Variants in TBATA observed in about 807,000 individuals in gnomAD.
TBATA encodes the protein thymus, brain and testes associated.
TBATA carries 47 observed loss-of-function variants against 38.7 expected under a neutral mutation model. The observed-to-expected ratio is 1.21, with a 90% CI of 0.96 to 1.55. TBATA has a LOEUF of 1.55. Among genes scored for constraint, TBATA ranks in the 40% most tolerant of loss-of-function variants. The pLI, the probability that TBATA is intolerant of heterozygous loss-of-function variation, is 0.00. For synonymous variants in TBATA, 183 were observed against 170.5 expected (o/e 1.07, Z -0.57); for missense variants, 436 against 435.6 (o/e 1.00, Z -0.01).
chr10:70,778,950 G>T (rs141818431), intron 5 of TBATA, among the ~76,000 whole-genome samples: 407 of 152,318 alleles, frequency 2.7e-3, no homozygotes, highest in African/African-American at 9.3e-3. Flanking sequence ...GATGCACATG[G>T]TTTAATCTAG....
At chr10:70,772,595 G>A in intron 9 of TBATA, 29 bp from the exon 10 acceptor site, 1 of 1,613,914 alleles carries the variant, frequency 6.2e-7, no homozygotes, top group East Asian at 2.2e-5. Context: ...AAGGGGCTGG[G>A]AAGGTCATGC....
Position 70,781,945 on chromosome 10 carries a change from CT to C in TBATA, c.132del (p.Ile46LeufsTer11), listed in dbSNP as rs1278279640. 2 of 1,614,246 alleles carry C rather than the reference CT, an allele frequency of 1.2e-6. No individual in the cohort carries two copies. The highest frequency in any genetic ancestry group is 1.7e-6 in the Non-Finnish European group (2 of 1,180,044). On this transcript the variant is annotated frameshift_variant, in exon 4 of 11. Coordinates refer to ENST00000456372, the MANE Select transcript of TBATA (RefSeq NM_001318241.2). LOFTEE classifies it high-confidence loss of function. ...CGGATCCGCTCGAAATCCACAATCC[CT>C]GGGATCACCAGTTCTTTCTGTGGCC... ...DSGPQKELVIPGIVDFERIRR... is the reference protein window; with the variant it reads ...DSGPQKELVIXGIVDFERIRR...
In TBATA at chr10:70,776,264, G is replaced by A. The variant is rs549060158; in HGVS notation, c.693+889C>T. On this transcript the variant is annotated intron_variant, in intron 7 of 10. Coordinates refer to ENST00000456372, the MANE Select transcript of TBATA (RefSeq NM_001318241.2). ...CACCCTCGTCCCCAGATGCCCACCC[G>A]CTGTGCTGACCCACCCTGACCTGCC... The A allele has an allele frequency of 9.7e-5, 43 of 444,194 alleles. No individual in the cohort carries two copies. The East Asian group carries it at 1.7e-3, about 18-fold the overall frequency. The allele number at this position is 444,194 out of a possible 1,614,324, so 27.5% of individuals were successfully genotyped here.
At chr10:70,774,183 C>A (rs371171934) in intron 9 of TBATA, 30 bp downstream of exon 9, 21 of 1,608,222 alleles carry the variant, frequency 1.3e-5, no homozygotes, top group Non-Finnish European at 1.8e-5. Context: ...CAGAAGGCTG[C>A]AGAAGGGCAG....
Position 70,774,222 on chromosome 10 carries a change from G to T in TBATA, c.911C>A (p.Pro304Gln). 1 of 1,612,188 alleles carries T rather than the reference G, an allele frequency of 6.2e-7. No individual in the cohort carries two copies. Among genetic ancestry groups the T allele is most frequent in the Non-Finnish European group, 8.5e-7 (1 of 1,179,632 alleles). The change falls in exon 9 of 11, where the codon CCA becomes CAA. Residue 304 changes from proline (P) to glutamine (Q), a missense_variant. Transcript: ENST00000456372. ...GGGGTGCGGGGCCCACCTGCAGGGTGGCTCTTGCTTCTCTTGAGGAGGTTC... is the reference window on the plus strand; with the variant it reads ...GGGGTGCGGGGCCCACCTGCAGGGTTGCTCTTGCTTCTCTTGAGGAGGTTC... ...VHEPPQEKQE[P>Q]PCSQSPKKTK... is the part of the protein sequence containing the mutation.
chr10:70,775,416 C>T (rs1216201323), intron 7 of TBATA, 146 bp from the exon 8 acceptor site: 2 of 643,386 alleles, frequency 3.1e-6, no homozygotes, highest in Admixed American at 4.7e-5. Context: ...CCACAAGGGT[C>T]TGTGCCTTTT....
intron 7 of TBATA, chr10:70,776,338 C>T (rs571466564): frequency 2.3e-4 from 104 of 456,378 alleles, no homozygotes; most frequent in South Asian, 1.6e-3. Flanking sequence ...CCTTGTGCCC[C>T]CTCCCCACAG....
At chr10:70,777,005 G>C (rs981945581) in intron 7 of TBATA, 148 bp downstream of exon 7, 22 of 743,988 alleles carry the variant, frequency 3.0e-5, no homozygotes, top group East Asian at 2.2e-4. Flanking sequence ...GGGGGTCATA[G>C]CCCCTGCTGC....
rs199776694 is a variant in TBATA, at chr10:70,779,775, C to T, written c.278-33G>A. 9.3e-6 allele frequency: 14 copies of T among 1,513,052 alleles called. No individual in the cohort carries two copies. The East Asian group carries it at 3.8e-4, about 41-fold the overall frequency. The allele number at this position is 1,513,052 out of a possible 1,614,324, so 93.7% of individuals were successfully genotyped here. ...GGGTTAGAGGCTGTGGGAAGGGAGG[C>T]TTAGGTGGACCTTAAGAGCTCCAGG... On this transcript the variant is annotated intron_variant, in intron 4 of 10. Coordinates refer to ENST00000456372, the MANE Select transcript of TBATA (RefSeq NM_001318241.2).
chr10:70,773,391 A>T (rs746624965), intron 9 of TBATA, among the ~76,000 whole-genome samples: 4 of 152,050 alleles, frequency 2.6e-5, no homozygotes, highest in Non-Finnish European at 5.9e-5. Context: ...TCATTTGCTC[A>T]GTCAAATCCT....
At chr10:70,778,883 G>A in intron 5 of TBATA, 1 of 581,100 alleles carries the variant, frequency 1.7e-6, no homozygotes, top group East Asian at 3.0e-5. Context: ...TGATGTTGAT[G>A]TCCTAGCCTG....
chr10:70,776,008 C>A (rs964883309), intron 7 of TBATA, among the ~76,000 whole-genome samples: 3 of 152,226 alleles, frequency 2.0e-5, no homozygotes, highest in Admixed American at 2.0e-4. Context: ...GCTATGGGGG[C>A]TCCCTAGGCC....
Position 70,779,747 on chromosome 10 carries a change from A to T in TBATA, c.278-5T>A. 1 of 1,536,622 alleles carries T rather than the reference A, an allele frequency of 6.5e-7. No homozygotes were observed. The highest frequency in any genetic ancestry group is 8.7e-7 in the Non-Finnish European group (1 of 1,150,886). On this transcript the variant is annotated splice_polypyrimidine_tract_variant and splice_region_variant and intron_variant, in intron 4 of 10. Transcript: ENST00000456372. ...AGACAGGCTTCCCGGTGAGATCTGC[A>T]AAGGGTTAGAGGCTGTGGGAAGGGA...
Position 70,771,452 on chromosome 10 carries a change from C to T in TBATA, c.983G>A (p.Gly328Glu), listed in dbSNP as rs1208780586. 6.2e-7 allele frequency: 1 copy of T among 1,613,992 alleles called. No homozygotes were observed. The highest frequency in any genetic ancestry group is 1.1e-5 in the South Asian group (1 of 91,062). The part of the protein sequence containing the change: ...FTKSEKPEYI[G>E]EAQVLQMHSS... ...ATGCATCTGGAGGACTTGAGCTTCT[C>T]CAATGTACTCTAGTGGGAGGAGAGA... The change falls in exon 11 of 11, where the codon GGA (glycine) becomes GAA (glutamate). Residue 328 changes from glycine (G) to glutamate (E), a missense_variant. Gly to Glu is a moderately conservative substitution (Grantham distance 98). Transcript: ENST00000456372.
At chr10:70,772,691 G>C in intron 9 of TBATA, 125 bp from the exon 10 acceptor site, 1 of 996,808 alleles carries the variant, frequency 1.0e-6, no homozygotes, top group Non-Finnish European at 1.6e-6. Context: ...TCCAGGGAGA[G>C]GCAAGAGTCA....
At chr10:70,781,650 C>T in intron 4 of TBATA, 151 bp downstream of exon 4, 1 of 742,336 alleles carries the variant, frequency 1.3e-6, no homozygotes, top group Non-Finnish European at 2.2e-6. Flanking sequence ...CTGAGCAGTC[C>T]TGGCTGGGTT....
chr10:70,778,489 G>T (rs754862973), intron 6 of TBATA, 68 bp downstream of exon 6: 1 of 1,478,056 alleles, frequency 6.8e-7, no homozygotes, highest in Non-Finnish European at 9.5e-7. Context: ...GACTCGGGAG[G>T]GATCTCCTTA....
In TBATA at chr10:70,775,759, C is replaced by T. The variant is rs74938693; in HGVS notation, c.694-489G>A. Among the ~76,000 whole-genome samples, 357 of 152,230 alleles carry T rather than the reference C, an allele frequency of 2.3e-3. 1 individual carries two copies. Among genetic ancestry groups the T allele is most frequent in the African/African-American group, 8.1e-3 (338 of 41,542 alleles). On this transcript the variant is annotated intron_variant, in intron 7 of 10. Transcript: ENST00000456372. ...CCATGGTAAGCCATACCCTAAAAGT[C>T]CCAGAGTCTGGGGATGTTGGAAAAG...
chr10:70,782,399 T>A, intron 3 of TBATA: 2 of 1,308,932 alleles, frequency 1.5e-6, no homozygotes, highest in South Asian at 2.5e-5. Flanking sequence ...CTTATATACA[T>A]CCCTGGGGAT....
Sources: gnomAD v4.1 joint callset for allele counts (sites outside exome capture counted in the v4.1 genomes callset) on GRCh38, gnomAD v4.1.1 for gene constraint, MANE v1.5 for transcripts, NCBI Gene and HGNC (gene_info 2026-07-23, HGNC 2026-07-21) for gene names.